Variants in ZNF300 observed in about 807,000 individuals in gnomAD.
ZNF300 encodes zinc finger protein 300, also known as kruppel-like zinc finger protein.
In ZNF300, 6 loss-of-function variants were observed where a neutral mutation model predicts 13.9. The observed-to-expected ratio is 0.43, with a 90% CI of 0.24 to 0.85. The LOEUF (loss-of-function observed/expected upper bound fraction) is 0.85. Ranked by LOEUF, ZNF300 falls within the 40% of genes least tolerant of loss-of-function variation. The probability of loss-of-function intolerance (pLI) is 0.25; values close to 1 mark genes in which losing one functional copy is unlikely to be tolerated. For missense variants in ZNF300, 662 were observed against 714.2 expected (o/e 0.93, Z 0.83); for synonymous variants, 237 against 242.2 (o/e 0.98, Z 0.20).
At chr5:150,897,884 A>G in intron 5 of ZNF300, 178 bp downstream of exon 5, 1 of 671,240 alleles carries the variant, frequency 1.5e-6, no homozygotes. Flanking sequence ...ATATATATAT[A>G]CACACAAGAG....
chr5:150,896,317 C>A lies in ZNF300; in HGVS notation c.922G>T (p.Glu308Ter). The A allele has an allele frequency of 6.2e-7, 1 of 1,613,568 alleles. No individual in the cohort carries two copies. The highest frequency in any genetic ancestry group is 8.5e-7 in the Non-Finnish European group (1 of 1,179,778). The change falls in exon 6 of 6, where the codon GAG becomes TAG. Residue 308 changes from glutamate to a stop codon, truncating the protein, a stop_gained. Coordinates refer to ENST00000274599, the MANE Select transcript of ZNF300 (RefSeq NM_052860.4). LOFTEE classifies it low-confidence loss of function (END_TRUNC). Reference sequence around the variant, plus strand: ...TGATGTACAACAAGATGAAACTTCTCACTGAAGGCTTTTCCGCATGCACCA... The same window carrying A: ...TGATGTACAACAAGATGAAACTTCTAACTGAAGGCTTTTCCGCATGCACCA... ...DCGACGKAFS[E>*]KFHLVVHQRT...
chr5:150,903,109 A>G, intron 3 of ZNF300, 32 bp downstream of exon 3: 1 of 1,538,848 alleles, frequency 6.5e-7, no homozygotes, highest in East Asian at 2.3e-5. Flanking sequence ...AAACCAAAGA[A>G]GAATTTTTTT....
At chr5:150,899,572 A>G (rs1754921980) in intron 3 of ZNF300, among the ~76,000 whole-genome samples, 1 of 152,110 alleles carries the variant, frequency 6.6e-6, no homozygotes, top group Non-Finnish European at 1.5e-5. Context: ...AATAGAATGA[A>G]TATACCAATT....
Position 150,895,354 on chromosome 5 carries a change from T to C in ZNF300, c.*70A>G. ...TATTGGGATGTTGTCCCCAAGCTTA[T>C]CAAATTAATTGGGTTTCTAGTAATT... is the stretch of plus-strand genomic sequence containing the variant. On this transcript the variant is annotated 3_prime_UTR_variant, in exon 6 of 6. Coordinates refer to ENST00000274599, the MANE Select transcript of ZNF300 (RefSeq NM_052860.4). The C allele has an allele frequency of 8.1e-7, 1 of 1,238,682 alleles. No individual in the cohort carries two copies. Among genetic ancestry groups the C allele is most frequent in the Non-Finnish European group, 1.1e-6 (1 of 910,612 alleles). 76.7% of individuals were successfully genotyped at this position (1,238,682 alleles called of 1,614,324 possible).
chr5:150,901,760 C>T (rs1329368243), intron 3 of ZNF300, among the ~76,000 whole-genome samples: 1 of 152,040 alleles, frequency 6.6e-6, no homozygotes, highest in East Asian at 1.9e-4. Flanking sequence ...TAATCTCTAT[C>T]TGTAAGATGA....
Position 150,898,140 on chromosome 5 carries a change from C to T in ZNF300, c.187G>A (p.Gly63Arg). Residue 63 changes from glycine to arginine, a missense_variant, in exon 5 of 6, where the codon GGA becomes AGA. Transcript: ENST00000274599. The stretch of plus-strand genomic sequence containing the variant: ...CCCTTTATGATCCATGGCTCTTCTC[C>T]TTGTTCCAACTTGGAGATGACATCT... ...KPDVISKLEQ[G>R]EEPWIIKGDI... The T allele has an allele frequency of 6.2e-7, 1 of 1,613,538 alleles. No individual in the cohort carries two copies. The highest frequency in any genetic ancestry group is 1.1e-5 in the South Asian group (1 of 91,082).
rs1210386600 is a variant in ZNF300 at position 150,894,600 on chromosome 5, T to C, written c.*824A>G. 1 of 152,266 alleles carries C rather than the reference T, an allele frequency of 6.6e-6. No homozygotes were observed. Among genetic ancestry groups the C allele is most frequent in the Non-Finnish European group, 1.5e-5 (1 of 68,008 alleles). 9.4% of individuals were successfully genotyped at this position (152,266 alleles called of 1,614,324 possible). ...TGGTTTTTACACATTAGTCTTAACA[T>C]CTAATGCTTCAAGATAGAGAGTAAA... On this transcript the variant is annotated 3_prime_UTR_variant, in exon 6 of 6. Transcript: ENST00000274599.
At chr5:150,899,776 TTAAC>T (rs1164286062) in intron 3 of ZNF300, among the ~76,000 whole-genome samples, 5 of 152,180 alleles carry the variant, frequency 3.3e-5, no homozygotes, top group South Asian at 2.1e-4. Flanking sequence ...ACAATAGTTG[TTAAC>T]TAATAGCAGA....
At position 150,895,543 on chromosome 5, in the gene ZNF300, A is replaced by C; in HGVS notation, c.1696T>G (p.Leu566Val). 6.2e-7 allele frequency: 1 copy of C among 1,613,400 alleles called. No homozygotes were observed. Among genetic ancestry groups the C allele is most frequent in the Non-Finnish European group, 8.5e-7 (1 of 1,179,694 alleles). Reference protein sequence around the residue: ...KAFSQKSDLVLHQRIHTGERP... With the variant: ...KAFSQKSDLVVHQRIHTGERP... ...TCCCCAGTATGAATCCTCTGATGTA[A>C]AACAAGGTCTGACTTCTGAGAAAAG... The change falls in exon 6 of 6, where the codon TTA becomes GTA. Residue 566 changes from leucine (L) to valine (V), a missense_variant. By Grantham distance (32) the Leu-to-Val change is conservative (BLOSUM62 1). Transcript: ENST00000274599.
chr5:150,901,038 A>C (rs1754978883), intron 3 of ZNF300, among the ~76,000 whole-genome samples: 1 of 152,106 alleles, frequency 6.6e-6, no homozygotes, highest in Non-Finnish European at 1.5e-5. Flanking sequence ...AAGTGATGGA[A>C]GAAATGAAAG....
rs1361609052 is a variant in ZNF300, at chr5:150,895,566, A to C, written c.1673T>G (p.Phe558Cys). 6.2e-7 allele frequency: 1 copy of C among 1,613,586 alleles called. No individual in the cohort carries two copies. ...PYICAECGKA[F>C]SQKSDLVLHQ... ...TAAAACAAGGTCTGACTTCTGAGAA[A>C]AGGCCTTTCCACATTCAGCACATAT... Residue 558 changes from phenylalanine (F) to cysteine (C), a missense_variant, in exon 6 of 6, where the codon TTT becomes TGT. Coordinates refer to ENST00000274599, the MANE Select transcript of ZNF300 (RefSeq NM_052860.4).
rs1267873720 is a variant in ZNF300, at chr5:150,896,447, A to T, written c.792T>A (p.Thr264=). 2 of 1,613,482 alleles carry T rather than the reference A, an allele frequency of 1.2e-6. No homozygotes were observed. Among genetic ancestry groups the T allele is most frequent in the African/African-American group, 2.7e-5 (2 of 74,898 alleles). The change falls in exon 6 of 6, where the codon ACT becomes ACA. Residue 264 remains threonine (T), a synonymous_variant. Transcript: ENST00000274599. ...TAACACATACACAGCTTTTCTCTTTAGTTTCCACATTCTGATATTGAATAA... is the reference window on the plus strand; with the variant it reads ...TAACACATACACAGCTTTTCTCTTTTGTTTCCACATTCTGATATTGAATAA... ...QSLIQYQNVE[T]KEKSCVCVTC...
chr5:150,897,283 TAATTTC>T (rs1754829295), intron 5 of ZNF300: 1 of 242,612 alleles, frequency 4.1e-6, no homozygotes, highest in African/African-American at 2.2e-5. Context: ...TTTCACCTTT[TAATTTC>T]ATTTATATTA....
intron 5 of ZNF300, chr5:150,897,743 G>C (rs1754845612): frequency 1.2e-5 from 4 of 324,542 alleles, no homozygotes; most frequent in Non-Finnish European, 2.2e-5. Flanking sequence ...AACAGTAACT[G>C]TATTTGACAT....
intron 2 of ZNF300, chr5:150,903,482 G>A: frequency 1.1e-6 from 1 of 900,600 alleles, no homozygotes; most frequent in Non-Finnish European, 1.7e-6. Flanking sequence ...TGTTCCCCTT[G>A]GGAATCAGCA....
At position 150,894,701 on chromosome 5, in the gene ZNF300, T is replaced by C. The variant is rs994300129; in HGVS notation, c.*723A>G. The C allele has an allele frequency of 1.0e-4, 16 of 152,410 alleles. No homozygotes were observed. The highest frequency in any genetic ancestry group is 3.8e-4 in the African/African-American group (16 of 41,568). The allele number at this position is 152,410 out of a possible 1,614,324, so 9.4% of individuals were successfully genotyped here. ...TACTTACTGATAAAAAATACTCAGC[T>C]AGGAGAAGTATGTTTGCCTAAAGTC... On this transcript the variant is annotated 3_prime_UTR_variant, in exon 6 of 6. Transcript: ENST00000274599.
chr5:150,897,873 C>T, intron 5 of ZNF300, 189 bp downstream of exon 5: 2 of 576,966 alleles, frequency 3.5e-6, no homozygotes, highest in East Asian at 3.2e-5. Context: ...CAAATATAAA[C>T]ATATATATAT....
In ZNF300 at chr5:150,903,886, A is replaced by G. The variant is rs1444840965; in HGVS notation, c.-50T>C. ...TACCTGGTAAATTTTCCTCAGTCCC[A>G]GGACAAGTCATGCAGACAGAGCTGA... On this transcript the variant is annotated 5_prime_UTR_variant, in exon 2 of 6. Transcript: ENST00000274599. The G allele has an allele frequency of 6.4e-6, 1 of 156,162 alleles. No individual in the cohort carries two copies. Among genetic ancestry groups the G allele is most frequent in the Non-Finnish European group, 1.4e-5 (1 of 70,408 alleles). The allele number at this position is 156,162 out of a possible 1,614,324, so 9.7% of individuals were successfully genotyped here.
intron 3 of ZNF300, among the ~76,000 whole-genome samples, chr5:150,899,999 C>G (rs1754936985): frequency 6.6e-6 from 1 of 152,056 alleles, no homozygotes; most frequent in Non-Finnish European, 1.5e-5. Flanking sequence ...TCATCCCACA[C>G]CAATTCCATA....
Sources: allele counts gnomAD v4.1 joint callset (sites outside exome capture counted in the v4.1 genomes callset), GRCh38; gene constraint gnomAD v4.1.1; transcripts MANE v1.5; gene names NCBI Gene and HGNC (gene_info 2026-07-23, HGNC 2026-07-21).